The following SMYD3 variants were observed in gnomAD, a reference collection of about 807,000 sequenced individuals.
SMYD3 encodes the protein SET and MYND domain containing 3, also known as histone-lysine N-methyltransferase SMYD3.
Under a neutral mutation model 57.7 loss-of-function variants are expected in SMYD3, and 36 were observed. The observed-to-expected ratio is 0.62, with a 90% confidence interval of 0.48 to 0.82. The LOEUF (loss-of-function observed/expected upper bound fraction) is 0.82, where lower values mean the gene tolerates loss of function less well. SMYD3 is among the 40% of genes least tolerant of loss of function. The pLI is 0.00. For synonymous variants in SMYD3, 211 were observed against 195.0 expected, an observed-to-expected ratio of 1.08 and a Z score of -0.68; for missense variants, 515 against 538.8, an observed-to-expected ratio of 0.96 and a Z score of 0.44.
chr1:246,004,080 A>G (rs1046590719), intron 5 of SMYD3, among the ~76,000 whole-genome samples: 1 of 137,398 alleles, frequency 7.3e-6, no homozygotes, highest in African/African-American at 2.5e-5. Flanking sequence ...TCCTATCTGT[A>G]AAATGGGAAT....
intron 5 of SMYD3, among the ~76,000 whole-genome samples, chr1:246,054,363 T>A (rs2060113733): frequency 6.6e-6 from 1 of 152,194 alleles, no homozygotes; most frequent in African/African-American, 2.4e-5. Flanking sequence ...AGTCTTGTAG[T>A]TTTTTATAAA....
chr1:245,843,905 T>C (rs560466186), intron 10 of SMYD3, among the ~76,000 whole-genome samples: 1 of 152,294 alleles, frequency 6.6e-6, no homozygotes, highest in South Asian at 2.1e-4. Flanking sequence ...CAACCTCCTA[T>C]TCAATAAAGG....
At chr1:245,931,431 A>G (rs1054438320) in intron 5 of SMYD3, among the ~76,000 whole-genome samples, 2 of 152,224 alleles carry the variant, frequency 1.3e-5, no homozygotes, top group Admixed American at 1.3e-4. Flanking sequence ...GTGGAAGATC[A>G]TAGCTACCAT....
intron 5 of SMYD3, among the ~76,000 whole-genome samples, chr1:246,271,312 ATTTG>A (rs1171809174): frequency 2.0e-5 from 3 of 152,108 alleles, no homozygotes; most frequent in African/African-American, 4.8e-5. Context: ...ATAAAGAACA[ATTTG>A]TTTATTTTTT....
intron 10 of SMYD3, among the ~76,000 whole-genome samples, chr1:245,816,044 G>A (rs1222570449): frequency 6.6e-6 from 1 of 152,166 alleles, no homozygotes; most frequent in African/African-American, 2.4e-5. Context: ...CCGAATATGG[G>A]CCACAGTATC....
chr1:246,414,870 C>A (rs2067035404), intron 1 of SMYD3, among the ~76,000 whole-genome samples: 1 of 151,976 alleles, frequency 6.6e-6, no homozygotes, highest in Non-Finnish European at 1.5e-5. Flanking sequence ...GCACACACCA[C>A]CAGGCCCAGC....
intron 5 of SMYD3, among the ~76,000 whole-genome samples, chr1:246,211,137 A>G (rs1016495059): frequency 6.6e-6 from 1 of 152,210 alleles, no homozygotes; most frequent in African/African-American, 2.4e-5. Context: ...ATCATGAACC[A>G]AATTGGTCTA....
intron 5 of SMYD3, among the ~76,000 whole-genome samples, chr1:246,061,719 T>G (rs1186462138): frequency 6.6e-6 from 1 of 152,170 alleles, no homozygotes; most frequent in African/African-American, 2.4e-5. Flanking sequence ...AGTGAGACCC[T>G]GTCTCAAAAA....
rs544290420 is a variant in SMYD3 at position 245,859,113 on chromosome 1, G to C, written c.902-443C>G. ...AGAGATTCCTTTTTCAAAAGGAAGA[G>C]CTCATGTTTGCTTCTGTGTTACCTG... On this transcript the variant is annotated intron_variant, in intron 9 of 11. Transcript: ENST00000490107. Among the ~76,000 whole-genome samples the C allele has an allele frequency of 6.6e-4, 101 of 152,264 alleles. 1 individual carries two copies. Among genetic ancestry groups the C allele is most frequent in the Admixed American group, 2.2e-3 (33 of 15,300 alleles).
chr1:246,234,323 C>T (rs2063477551), intron 5 of SMYD3, among the ~76,000 whole-genome samples: 1 of 151,460 alleles, frequency 6.6e-6, no homozygotes, highest in African/African-American at 2.4e-5. Context: ...CTTCCACTCA[C>T]ACTGTGATGA....
At chr1:246,125,141 A>T (rs994265257) in intron 5 of SMYD3, among the ~76,000 whole-genome samples, 2 of 152,040 alleles carry the variant, frequency 1.3e-5, no homozygotes, top group African/African-American at 2.4e-5. Flanking sequence ...TGATGTCTCA[A>T]TGATTACGGA....
At position 246,203,734 on chromosome 1, in the gene SMYD3, C is replaced by A. The variant is rs902717187; in HGVS notation, c.531+123467G>T. ...GTTAGAACATCAACATATGAATTTG[C>A]GGGGACACAGTTCAGCCCAGAACAC... On this transcript the variant is annotated intron_variant, in intron 5 of 11. Transcript: ENST00000490107. This position sits in a 1 kb window ranked among gnomAD's most constrained non-coding sequence, Gnocchi z 4.6. Among the ~76,000 whole-genome samples the A allele has an allele frequency of 6.6e-6, 1 of 152,156 alleles. No homozygotes were observed. The highest frequency in any genetic ancestry group is 6.5e-5 in the Admixed American group (1 of 15,282).
chr1:246,378,044 TA>T (rs371029967), intron 1 of SMYD3, among the ~76,000 whole-genome samples: 1 of 152,252 alleles, frequency 6.6e-6, no homozygotes. Flanking sequence ...TCACCATGCA[TA>T]ATTTCCCTTT....
At chr1:246,047,938 A>G (rs2059999402) in intron 5 of SMYD3, among the ~76,000 whole-genome samples, 1 of 152,206 alleles carries the variant, frequency 6.6e-6, no homozygotes, top group African/African-American at 2.4e-5. Context: ...AAAAAAACCT[A>G]CATAGTCATA....
In SMYD3 at chr1:245,987,575, G is replaced by A. The variant is rs142428632; in HGVS notation, c.532-57638C>T. Among the ~76,000 whole-genome samples, 831 of 152,286 alleles carry A rather than the reference G, an allele frequency of 5.5e-3. 7 individuals are homozygous for A. Among genetic ancestry groups the A allele is most frequent in the African/African-American group, 0.019 (794 of 41,562 alleles). ...TCCAGCTTCACGCTAAGAACTTCAC[G>A]TTTTCTTAACTTATTCCTCACAACG... On this transcript the variant is annotated intron_variant, in intron 5 of 11. Transcript: ENST00000490107.
intron 5 of SMYD3, among the ~76,000 whole-genome samples, chr1:246,321,288 T>A (rs1045899696): frequency 6.6e-6 from 1 of 152,114 alleles, no homozygotes; most frequent in Admixed American, 6.5e-5. Flanking sequence ...CCAATAAAAA[T>A]AAAGCTGAGA....
Position 246,116,201 on chromosome 1 carries a change from GACACACACACACAC to G in SMYD3, c.532-186278_532-186265del, listed in dbSNP as rs56722969. ...CCTATACCTCAAGCACCCTGAGATG[GACACACACACACAC>G]ACACACACACACACACACACACACA... On this transcript the variant is annotated intron_variant, in intron 5 of 11. Coordinates refer to ENST00000490107, the MANE Select transcript of SMYD3 (RefSeq NM_001167740.2). 6.8e-4 allele frequency among the ~76,000 whole-genome samples: 99 copies of G among 146,024 alleles called. 2 individuals are homozygous for G. The highest frequency in any genetic ancestry group is 3.6e-3 in the Middle Eastern group (1 of 276).
intron 5 of SMYD3, among the ~76,000 whole-genome samples, chr1:246,134,258 T>C (rs552393548): frequency 9.5e-4 from 145 of 152,248 alleles, no homozygotes; most frequent in African/African-American, 3.1e-3. Context: ...TATTCTCTTT[T>C]ATAAATAGTA....
intron 5 of SMYD3, among the ~76,000 whole-genome samples, chr1:245,953,638 C>T (rs1375731220): frequency 6.6e-6 from 1 of 152,138 alleles, no homozygotes; most frequent in Non-Finnish European, 1.5e-5. Context: ...CCAGGCTGAT[C>T]TTGAACTCCT....
Sources: gnomAD v4.1 joint callset for allele counts (sites outside exome capture counted in the v4.1 genomes callset) on GRCh38, gnomAD v4.1.1 for gene constraint, Gnocchi (gnomAD v3.1) non-coding constraint, MANE v1.5 for transcripts, NCBI Gene and HGNC (gene_info 2026-07-23, HGNC 2026-07-21) for gene names.